The following RRP1 variants were observed in gnomAD, a reference collection of about 807,000 sequenced individuals.
RRP1 encodes the protein ribosomal RNA processing protein 1 homolog A.
RRP1 carries 37 observed loss-of-function variants against 54.6 expected under a neutral mutation model. The ratio of observed to expected loss-of-function variants is 0.68; its 90% CI spans 0.52 to 0.89. The LOEUF is 0.89. Among genes scored for constraint, RRP1 ranks in the 40% least tolerant of loss-of-function variants. The probability of loss-of-function intolerance (pLI) is 0.00; values close to 1 mark genes in which losing one functional copy is unlikely to be tolerated. For missense variants in RRP1, 639 were observed against 612.5 expected (o/e 1.04, Z -0.46); for synonymous variants, 262 against 244.3 (o/e 1.07, Z -0.67).
chr21:43,800,955 T>C, intron 11 of RRP1, 74 bp downstream of exon 11: 1 of 1,514,910 alleles, frequency 6.6e-7, no homozygotes, highest in Non-Finnish European at 9.1e-7. Context: ...GTGGTTTGGT[T>C]CTAGGGGTCT....
At chr21:43,802,835 C>T (rs1174786160) in intron 12 of RRP1, among the ~76,000 whole-genome samples, 3 of 152,252 alleles carry the variant, frequency 2.0e-5, no homozygotes, top group Non-Finnish European at 2.9e-5. Context: ...TCTGGCCACA[C>T]GAGTGTGGTT....
chr21:43,791,808 C>T (rs2084962212), intron 2 of RRP1, among the ~76,000 whole-genome samples: 1 of 152,136 alleles, frequency 6.6e-6, no homozygotes, highest in African/African-American at 2.4e-5. Context: ...CCGGCCTGGT[C>T]AACCCAGTTT....
Position 43,800,731 on chromosome 21 carries a change from G to A in RRP1, c.989+117G>A, listed in dbSNP as rs543876240. 93 of 1,500,206 alleles carry A rather than the reference G, an allele frequency of 6.2e-5. No individual in the cohort carries two copies. In the South Asian group the frequency reaches 7.6e-4, roughly 12 times the overall value. 92.9% of individuals were successfully genotyped at this position (1,500,206 alleles called of 1,614,324 possible). On this transcript the variant is annotated intron_variant, in intron 10 of 12. Coordinates refer to ENST00000497547, the MANE Select transcript of RRP1 (RefSeq NM_003683.6). ...TTCCGCAGCCCCCGGGGTGATCCCC[G>A]CTAGGACCCTGAGACCGTCCCCAGC...
chr21:43,802,987 G>A (rs567460357), intron 12 of RRP1, among the ~76,000 whole-genome samples: 1 of 152,380 alleles, frequency 6.6e-6, no homozygotes, highest in Admixed American at 6.5e-5. Flanking sequence ...GTGCAGAGGA[G>A]GCACATGGTG....
intron 12 of RRP1, among the ~76,000 whole-genome samples, chr21:43,803,183 G>C (rs758279541): frequency 6.6e-6 from 1 of 152,220 alleles, no homozygotes; most frequent in Non-Finnish European, 1.5e-5. Flanking sequence ...TGTCGGCCCT[G>C]GCGTTCAGGA....
chr21:43,798,656 TGAGGGGCAGGTGTACTC>T (rs2123417014), intron 8 of RRP1, among the ~76,000 whole-genome samples: 1 of 152,158 alleles, frequency 6.6e-6, no homozygotes, highest in African/African-American at 2.4e-5. Flanking sequence ...GCAGTGTGTG[TGAGGGGCAGGTGTACTC>T]ACCTGCCCCT....
At chr21:43,803,185 C>T (rs376141503) in intron 12 of RRP1, among the ~76,000 whole-genome samples, 2 of 152,256 alleles carry the variant, frequency 1.3e-5, no homozygotes, top group South Asian at 2.1e-4. Flanking sequence ...TCGGCCCTGG[C>T]GTTCAGGACC....
At chr21:43,797,399 A>G (rs769382334) in intron 5 of RRP1, 23 bp from the exon 6 acceptor site, 4 of 1,599,160 alleles carry the variant, frequency 2.5e-6, no homozygotes, top group Non-Finnish European at 3.4e-6. Context: ...GCTGCCTGTC[A>G]TGTTTGCTTT....
chr21:43,804,512 T>A lies in RRP1; in HGVS notation c.*738T>A, dbSNP rs1452857278. 6.6e-6 allele frequency: 1 copy of A among 152,428 alleles called. No individual in the cohort carries two copies. The highest frequency in any genetic ancestry group is 1.5e-5 in the Non-Finnish European group (1 of 68,158). The allele number at this position is 152,428 out of a possible 1,614,324, so 9.4% of individuals were successfully genotyped here. On this transcript the variant is annotated 3_prime_UTR_variant, in exon 13 of 13. Coordinates refer to ENST00000497547, the MANE Select transcript of RRP1 (RefSeq NM_003683.6). The surrounding 1 kb of genome is among the most constrained non-coding windows in gnomAD (Gnocchi z 4.3). ...TCTCCCCTTCACACCTGCTGGAGCC[T>A]GTGAGGGAGGTGGCGGGTCCCCACT...
Position 43,793,414 on chromosome 21 carries a change from C to G in RRP1, c.360+10C>G. ...GGATAAATTCTACATGGTGAGGCAG[C>G]CACCAGGGTGCCGGCGGGCGGGGGC... On this transcript the variant is annotated intron_variant, in intron 4 of 12. Transcript: ENST00000497547. 6.2e-7 allele frequency: 1 copy of G among 1,610,956 alleles called. No homozygotes were observed. The highest frequency in any genetic ancestry group is 8.5e-7 in the Non-Finnish European group (1 of 1,178,920).
intron 9 of RRP1, 125 bp downstream of exon 9, chr21:43,799,774 CAG>C (rs199529864): frequency 5.8e-5 from 52 of 889,664 alleles, no homozygotes; most frequent in East Asian, 5.5e-4. Context: ...GTTACCCGGA[CAG>C]GGGTTAGCTT....
chr21:43,803,806 G>A lies in RRP1; in HGVS notation c.*32G>A. 1.3e-6 allele frequency: 2 copies of A among 1,537,778 alleles called. No homozygotes were observed. The highest frequency in any genetic ancestry group is 1.4e-5 in the African/African-American group (1 of 73,690). On this transcript the variant is annotated 3_prime_UTR_variant, in exon 13 of 13. Transcript: ENST00000497547. The stretch of plus-strand genomic sequence containing the variant: ...CGGGCCAAGGACAGGCAGGGAGGGA[G>A]GCCAGGCCTCGCTTGCACCGCGGGA...
In RRP1 at chr21:43,800,841, G is replaced by A. The variant is rs762374598; in HGVS notation, c.990-21G>A. On this transcript the variant is annotated intron_variant, in intron 10 of 12. Coordinates refer to ENST00000497547, the MANE Select transcript of RRP1 (RefSeq NM_003683.6). ...CGGAAGCCGCAGCTGTGGTAAGTGG[G>A]TATCTGTCTTACTCTTTCAGGCTGC... 5.8e-5 allele frequency: 94 copies of A among 1,613,334 alleles called. No individual in the cohort carries two copies. In the South Asian group the frequency reaches 1.0e-3, roughly 17 times the overall value.
At chr21:43,795,295 G>A (rs769646825) in intron 5 of RRP1, 45 bp downstream of exon 5, 4 of 1,575,282 alleles carry the variant, frequency 2.5e-6, no homozygotes, top group Admixed American at 3.3e-5. Context: ...TGTTCTCGGG[G>A]ACCGCAGTCG....
intron 3 of RRP1, 47 bp downstream of exon 3, chr21:43,792,776 C>T (rs774596177): frequency 8.2e-6 from 13 of 1,592,186 alleles, no homozygotes; most frequent in Non-Finnish European, 1.0e-5. Context: ...ATGTCAGAAC[C>T]TCTGAGCATC....
intron 10 of RRP1, 104 bp downstream of exon 10, chr21:43,800,718 CG>C: frequency 1.3e-6 from 2 of 1,506,440 alleles, no homozygotes; most frequent in Non-Finnish European, 1.8e-6. Context: ...CCGCAGCCCC[CG>C]GGGTGATCCC....
intron 4 of RRP1, 89 bp downstream of exon 4, chr21:43,793,493 G>A (rs1223872836): frequency 5.4e-6 from 6 of 1,105,884 alleles, no homozygotes; most frequent in East Asian, 2.4e-5. Context: ...GGGCAGGGAG[G>A]CAACCTGAGG....
rs748434339 is a variant in RRP1 at position 43,793,357 on chromosome 21, C to T, written c.313C>T (p.Arg105Cys). 5.0e-6 allele frequency: 8 copies of T among 1,614,070 alleles called. No individual in the cohort carries two copies. The highest frequency in any genetic ancestry group is 2.2e-5 in the East Asian group (1 of 44,882). The change falls in exon 4 of 13, where the codon CGC (arginine) becomes TGC (cysteine). Residue 105 changes from arginine (R) to cysteine (C), a missense_variant. Transcript: ENST00000497547. ...FLQAFWQTMNREWTGIDRLRL... is the reference protein window; with the variant it reads ...FLQAFWQTMNCEWTGIDRLRL... ...TCAGGCCTTCTGGCAGACCATGAAT[C>T]GCGAGTGGACGGGCATTGACAGGCT... is the stretch of plus-strand genomic sequence containing the variant.
intron 1 of RRP1, among the ~76,000 whole-genome samples, chr21:43,790,167 T>G (rs2123404365): frequency 1.3e-5 from 2 of 152,228 alleles, no homozygotes; most frequent in Middle Eastern, 3.4e-3. Context: ...CACTCGAGAG[T>G]ACCTCTCTGA....
Sources: gnomAD v4.1 joint callset for allele counts (sites outside exome capture counted in the v4.1 genomes callset) on GRCh38, gnomAD v4.1.1 for gene constraint, Gnocchi (gnomAD v3.1) non-coding constraint, MANE v1.5 for transcripts, NCBI Gene and HGNC (gene_info 2026-07-23, HGNC 2026-07-21) for gene names.